The following BEND3 variants were observed in gnomAD, a reference collection of about 807,000 sequenced individuals.
BEND3 encodes the protein BEN domain-containing protein 3.
In BEND3, 13 loss-of-function variants were observed where a neutral mutation model predicts 60.1. The observed-to-expected ratio is 0.22, with a 90% CI of 0.14 to 0.34. The LOEUF (loss-of-function observed/expected upper bound fraction) is 0.34, where lower values mean the gene tolerates loss of function less well. BEND3 is among the 10% of genes least tolerant of loss of function. BEND3 has a pLI of 1.00. For synonymous variants in BEND3, 497 were observed against 491.5 expected, an observed-to-expected ratio of 1.01 and a Z score of -0.15; for missense variants, 896 against 1,138.1, an observed-to-expected ratio of 0.79 and a Z score of 3.06.
chr6:107,090,174 C>G (rs1562309352), intron 3 of BEND3, among the ~76,000 whole-genome samples: 1 of 151,982 alleles, frequency 6.6e-6, no homozygotes, highest in Admixed American at 6.6e-5. Context: ...CATGGAGAAA[C>G]CCTGTCTCTA....
intron 1 of BEND3, among the ~76,000 whole-genome samples, chr6:107,106,483 A>G (rs1433687769): frequency 6.6e-6 from 1 of 152,212 alleles, no homozygotes; most frequent in Non-Finnish European, 1.5e-5. Flanking sequence ...CAAGTCAACA[A>G]GCCAGATGGG....
Position 107,070,869 on chromosome 6 carries a change from G to A in BEND3, c.322C>T (p.Leu108=), listed in dbSNP as rs781867671. ...NGEQAGRGRS[L]GNVWPGEEEP... ...TCCTCTCCAGGCCACACATTGCCCA[G>A]GCTCCTGCCCCTGCCGGCCTGCTCA... is the stretch of plus-strand genomic sequence containing the variant. Residue 108 remains leucine (L), a synonymous_variant, in exon 4 of 4, where the codon CTG becomes TTG. Coordinates refer to ENST00000369042, the MANE Select transcript of BEND3 (RefSeq NM_001367314.1). The surrounding 1 kb of genome is among the most constrained non-coding windows in gnomAD (Gnocchi z 6.9). 15 of 1,613,954 alleles carry A rather than the reference G, an allele frequency of 9.3e-6. No individual in the cohort carries two copies. In the East Asian group the frequency reaches 2.9e-4, roughly 31 times the overall value.
chr6:107,070,894 A>C lies in BEND3; in HGVS notation c.297T>G (p.Gly99=), dbSNP rs782524652. Residue 99 remains glycine, a synonymous_variant, in exon 4 of 4, where the codon GGT becomes GGG. Coordinates refer to ENST00000369042, the MANE Select transcript of BEND3 (RefSeq NM_001367314.1). The surrounding 1 kb of genome is among the most constrained non-coding windows in gnomAD (Gnocchi z 6.9). Reference sequence around the variant, plus strand: ...GGCTCCTGCCCCTGCCGGCCTGCTCACCATTGCCTTGGCAGGGCGAGCTGT... The same window carrying C: ...GGCTCCTGCCCCTGCCGGCCTGCTCCCCATTGCCTTGGCAGGGCGAGCTGT... ...RENSSPCQGN[G]EQAGRGRSLG... The C allele has an allele frequency of 4.3e-6, 7 of 1,613,676 alleles. No individual in the cohort carries two copies. The highest frequency in any genetic ancestry group is 5.1e-6 in the Non-Finnish European group (6 of 1,179,978).
intron 3 of BEND3, among the ~76,000 whole-genome samples, chr6:107,083,111 T>C (rs1775266322): frequency 1.3e-5 from 2 of 152,108 alleles, no homozygotes; most frequent in African/African-American, 4.8e-5. Context: ...AAAAGGATAA[T>C]AAAATATGGT....
chr6:107,104,080 G>A (rs1184232017), intron 1 of BEND3, among the ~76,000 whole-genome samples: 1 of 151,694 alleles, frequency 6.6e-6, no homozygotes, highest in Non-Finnish European at 1.5e-5. Context: ...GTCAGGAGAT[G>A]GAGACCATCC....
intron 3 of BEND3, among the ~76,000 whole-genome samples, chr6:107,076,269 T>C (rs1025515652): frequency 6.6e-6 from 1 of 152,204 alleles, no homozygotes; most frequent in Non-Finnish European, 1.5e-5. Context: ...AAATCTGTGC[T>C]ACTTGGCACT....
chr6:107,099,647 C>G (rs1775664169), intron 1 of BEND3, among the ~76,000 whole-genome samples: 1 of 152,062 alleles, frequency 6.6e-6, no homozygotes, highest in African/African-American at 2.4e-5. Flanking sequence ...TTATAAATTC[C>G]AGCCACAAAA....
Position 107,069,635 on chromosome 6 carries a change from C to T in BEND3, c.1556G>A (p.Gly519Asp). 6.2e-7 allele frequency: 1 copy of T among 1,610,694 alleles called. No homozygotes were observed. The highest frequency in any genetic ancestry group is 1.3e-5 in the African/African-American group (1 of 75,052). Residue 519 changes from glycine (G) to aspartate (D), a missense_variant, in exon 4 of 4, where the codon GGC (glycine) becomes GAC (aspartate). Transcript: ENST00000369042. ...CTTGGAGCGGCGACCCGGCCGCTCG[C>T]CCTCGAAGCTGTCCTCCACCTTGAC... ...SVVKVEDSFE[G>D]ERPGRRSKKI... is the part of the protein sequence containing the mutation.
intron 1 of BEND3, among the ~76,000 whole-genome samples, chr6:107,104,745 T>C (rs1282772033): frequency 6.6e-6 from 1 of 151,912 alleles, no homozygotes; most frequent in Non-Finnish European, 1.5e-5. Context: ...CGTGTCTTAC[T>C]GCAGCCTTAA....
intron 1 of BEND3, among the ~76,000 whole-genome samples, 195 bp downstream of exon 1, chr6:107,114,895 G>A (rs1412203431): frequency 2.0e-5 from 3 of 149,126 alleles, no homozygotes; most frequent in Non-Finnish European, 4.5e-5. Flanking sequence ...CCCGGCGCCC[G>A]CTCCGGTCGC....
Position 107,070,641 on chromosome 6 carries a change from C to T in BEND3, c.550G>A (p.Ala184Thr), listed in dbSNP as rs1354040384. Residue 184 changes from alanine (A) to threonine (T), a missense_variant, in exon 4 of 4, where the codon GCA becomes ACA. Ala to Thr is a moderately conservative substitution (Grantham distance 58, BLOSUM62 0). Around this residue, in one of 4 missense-constraint regions of BEND3, gnomAD observed 846 missense variants for 1,036.7 expected, o/e 0.82. Transcript: ENST00000369042. This position sits in a 1 kb window ranked among gnomAD's most constrained non-coding sequence, Gnocchi z 6.9. ...PQKRDCGSTG[A>T]GTDNDPNIYF... ...ATGTTGGGGTCGTTGTCAGTGCCTG[C>T]CCCGGTGCTGCCACAGTCCCGCTTC... The T allele has an allele frequency of 1.2e-6, 2 of 1,612,250 alleles. No homozygotes were observed. The highest frequency in any genetic ancestry group is 2.2e-5 in the East Asian group (1 of 44,868).
Position 107,115,156 on chromosome 6 carries a change from G to C in BEND3, c.-78C>G, listed in dbSNP as rs1331107372. On this transcript the variant is annotated 5_prime_UTR_variant, in exon 1 of 4. Transcript: ENST00000369042. Reference sequence around the variant, plus strand: ...GAGTTTGGGCGCCACGTGGGGGGGAGGGCGCGGGGCCGGGGAGTGGGGGCC... The same window carrying C: ...GAGTTTGGGCGCCACGTGGGGGGGACGGCGCGGGGCCGGGGAGTGGGGGCC... 4.7e-5 allele frequency: 7 copies of C among 150,124 alleles called. No individual in the cohort carries two copies. Among genetic ancestry groups the C allele is most frequent in the African/African-American group, 1.5e-4 (6 of 41,096 alleles). The allele number at this position is 150,124 out of a possible 1,614,324, so 9.3% of individuals were successfully genotyped here.
chr6:107,104,581 C>T (rs570586406), intron 1 of BEND3, among the ~76,000 whole-genome samples: 4 of 152,128 alleles, frequency 2.6e-5, no homozygotes, highest in Non-Finnish European at 5.9e-5. Flanking sequence ...AAATCACCTC[C>T]AGATTACTTA....
chr6:107,088,031 G>A (rs1554234572), intron 3 of BEND3, among the ~76,000 whole-genome samples: 1 of 142,586 alleles, frequency 7.0e-6, no homozygotes, highest in Non-Finnish European at 1.5e-5. Context: ...TTTAGAGACA[G>A]GTTCTTGCTT....
intron 1 of BEND3, among the ~76,000 whole-genome samples, chr6:107,105,089 T>C (rs1429982980): frequency 6.6e-6 from 1 of 152,070 alleles, no homozygotes; most frequent in Non-Finnish European, 1.5e-5. Context: ...AAGTCCACTG[T>C]TGGCTGGGCG....
At chr6:107,077,785 C>T (rs572974884) in intron 3 of BEND3, among the ~76,000 whole-genome samples, 24 of 152,224 alleles carry the variant, frequency 1.6e-4, no homozygotes, top group African/African-American at 4.6e-4. Context: ...TACCTATCTG[C>T]GATAGTTGTT....
intron 1 of BEND3, among the ~76,000 whole-genome samples, chr6:107,103,426 A>C (rs1775741551): frequency 6.6e-6 from 1 of 152,146 alleles, no homozygotes; most frequent in Non-Finnish European, 1.5e-5. Flanking sequence ...CAACCACCAC[A>C]GCACCCACCT....
At chr6:107,081,291 G>A (rs1775227176) in intron 3 of BEND3, among the ~76,000 whole-genome samples, 1 of 150,346 alleles carries the variant, frequency 6.7e-6, no homozygotes, top group Non-Finnish European at 1.5e-5. Flanking sequence ...CGCGATCTCA[G>A]CTCACTACAA....
Position 107,069,838 on chromosome 6 carries a change from G to C in BEND3, c.1353C>G (p.Ile451Met). 2 of 1,613,558 alleles carry C rather than the reference G, an allele frequency of 1.2e-6. No homozygotes were observed. Among genetic ancestry groups the C allele is most frequent in the Non-Finnish European group, 1.7e-6 (2 of 1,179,950 alleles). The change falls in exon 4 of 4, where the codon ATC (isoleucine) becomes ATG (methionine). Residue 451 changes from isoleucine (I) to methionine (M), a missense_variant. Transcript: ENST00000369042. ...GGAAGTAGATCTCCGTGTAGTTGCG[G>C]ATGATCTGCAGCCGCTGCGGGTCCA... ...QELDPQRLQI[I>M]RNYTEIYFPD...
Sources: gnomAD v4.1 joint callset for allele counts (sites outside exome capture counted in the v4.1 genomes callset) on GRCh38, gnomAD v4.1.1 for gene constraint, gnomAD v4.1.1 regional missense constraint, Gnocchi (gnomAD v3.1) non-coding constraint, MANE v1.5 for transcripts, NCBI Gene and HGNC (gene_info 2026-07-23, HGNC 2026-07-21) for gene names.